Variants in MTUS2 observed in about 807,000 individuals in gnomAD.
MTUS2 encodes the protein microtubule-associated tumor suppressor candidate 2.
Under a neutral mutation model 114.1 loss-of-function variants are expected in MTUS2, and 40 were observed. The observed-to-expected ratio is 0.35, with a 90% CI of 0.27 to 0.46. The LOEUF (loss-of-function observed/expected upper bound fraction) is 0.46, where lower values mean the gene tolerates loss of function less well. Ranked by LOEUF, MTUS2 falls within the 20% of genes least tolerant of loss-of-function variation. The pLI is 1.00. For synonymous variants in MTUS2, 688 were observed against 672.0 expected (o/e 1.02, Z -0.37); for missense variants, 1,679 against 1,705.4 (o/e 0.98, Z 0.27).
chr13:29,247,779 G>A (rs1386518342), intron 5 of MTUS2, among the ~76,000 whole-genome samples: 2 of 152,210 alleles, frequency 1.3e-5, no homozygotes, highest in East Asian at 3.8e-4. Context: ...TGTGAAAAGG[G>A]AACACTTGAA....
intron 5 of MTUS2, among the ~76,000 whole-genome samples, chr13:29,270,846 G>T (rs778772887): frequency 2.6e-5 from 4 of 152,190 alleles, no homozygotes; most frequent in Non-Finnish European, 4.4e-5. Context: ...CAGATGGCGG[G>T]CACATGAGCC....
At chr13:28,852,867 A>C (rs945323400) in intron 2 of MTUS2, among the ~76,000 whole-genome samples, 3 of 150,328 alleles carry the variant, frequency 2.0e-5, no homozygotes, top group African/African-American at 7.5e-5. Context: ...ATACATACAT[A>C]CATCCTGGGT....
intron 5 of MTUS2, among the ~76,000 whole-genome samples, chr13:29,218,005 A>T (rs1170252043): frequency 6.6e-6 from 1 of 152,118 alleles, no homozygotes; most frequent in Non-Finnish European, 1.5e-5. Flanking sequence ...CTGTAGTCCC[A>T]GCTACTGAGG....
intron 8 of MTUS2, among the ~76,000 whole-genome samples, chr13:29,375,628 TATATATATATACAC>T (rs1566163804): frequency 2.8e-4 from 2 of 7,226 alleles, no homozygotes; most frequent in African/African-American, 4.0e-4. Flanking sequence ...TATATATATA[TATATATATATACAC>T]ACACCATGAA....
At chr13:29,398,667 CCTAGAGGAATGGATT>C (rs1305739425) in intron 8 of MTUS2, among the ~76,000 whole-genome samples, 1 of 151,952 alleles carries the variant, frequency 6.6e-6, no homozygotes, top group Non-Finnish European at 1.5e-5. Flanking sequence ...AGGAAAAGCT[CCTAGAGGAATGGATT>C]CTCAAACCAG....
chr13:29,149,232 T>C (rs1338280623), intron 5 of MTUS2, among the ~76,000 whole-genome samples: 4 of 152,216 alleles, frequency 2.6e-5, no homozygotes, highest in Non-Finnish European at 5.9e-5. Flanking sequence ...TGGCATGAAA[T>C]GGTATCTCAT....
chr13:29,334,022 GT>G (rs1187481661), intron 7 of MTUS2, among the ~76,000 whole-genome samples: 3 of 151,300 alleles, frequency 2.0e-5, no homozygotes, highest in African/African-American at 4.9e-5. Context: ...CTGTTTTTTT[GT>G]TTTGTTTTGT....
At chr13:29,307,804 C>T (rs1899545886) in intron 6 of MTUS2, 1 of 901,174 alleles carries the variant, frequency 1.1e-6, no homozygotes, top group Non-Finnish European at 1.8e-6. Context: ...GACCACCAGC[C>T]CCAGTGAGAG....
At chr13:29,439,024 AT>A (rs1377438969) in intron 8 of MTUS2, among the ~76,000 whole-genome samples, 3 of 152,148 alleles carry the variant, frequency 2.0e-5, no homozygotes, top group Non-Finnish European at 4.4e-5. Flanking sequence ...AAGAAAGAAC[AT>A]TCTCAAGGCC....
In MTUS2 at chr13:29,111,670, T is replaced by G. The variant is rs185645239; in HGVS notation, c.2644+10700T>G. Among the ~76,000 whole-genome samples, 224 of 152,326 alleles carry G rather than the reference T, an allele frequency of 1.5e-3. 1 individual carries two copies. Among genetic ancestry groups the G allele is most frequent in the Middle Eastern group, 3.4e-3 (1 of 294 alleles). On this transcript the variant is annotated intron_variant, in intron 5 of 15. Coordinates refer to ENST00000612955, the MANE Select transcript of MTUS2 (RefSeq NM_001033602.4). ...ACTTTGCCAACAGTATGTGCTTTCT[T>G]GCATTGTTGTAACATGCATAGGCCA...
chr13:28,867,548 C>A (rs901548853), intron 2 of MTUS2, among the ~76,000 whole-genome samples: 1 of 152,098 alleles, frequency 6.6e-6, no homozygotes, highest in Non-Finnish European at 1.5e-5. Context: ...TAAAACATAT[C>A]CAAGGGAGGG....
chr13:29,458,695 A>G (rs2138778555), intron 9 of MTUS2, among the ~76,000 whole-genome samples: 1 of 152,278 alleles, frequency 6.6e-6, no homozygotes, highest in Non-Finnish European at 1.5e-5. Context: ...ACAACTCTCC[A>G]TAGTCAAAAG....
At chr13:29,240,057 A>G (rs1019049853) in intron 5 of MTUS2, 1 of 152,030 alleles carries the variant, frequency 6.6e-6, no homozygotes, top group Admixed American at 6.5e-5. Context: ...CCCTCTGTAG[A>G]CCTCCTAGGG....
At chr13:29,417,147 A>G (rs946443530) in intron 8 of MTUS2, among the ~76,000 whole-genome samples, 5 of 152,186 alleles carry the variant, frequency 3.3e-5, no homozygotes, top group African/African-American at 7.2e-5. Flanking sequence ...AAAGCTTACA[A>G]TCATGGTGGA....
At chr13:29,227,010 C>G (rs1448343748) in intron 5 of MTUS2, among the ~76,000 whole-genome samples, 4 of 152,130 alleles carry the variant, frequency 2.6e-5, no homozygotes, top group African/African-American at 4.8e-5. Context: ...GTAATCCTAG[C>G]ACTTTGGGAG....
chr13:29,429,045 C>A, intron 8 of MTUS2: 2 of 756,990 alleles, frequency 2.6e-6, no homozygotes, highest in Non-Finnish European at 2.2e-6. Flanking sequence ...TTCCAATGTG[C>A]TGAATTGTGA....
chr13:29,476,032 G>A (rs991588655), intron 9 of MTUS2, among the ~76,000 whole-genome samples: 1 of 152,114 alleles, frequency 6.6e-6, no homozygotes, highest in Non-Finnish European at 1.5e-5. Context: ...CAGGTGTACC[G>A]TTTTTTATCT....
At chr13:28,994,553 C>G (rs1425639999) in intron 2 of MTUS2, among the ~76,000 whole-genome samples, 2 of 152,212 alleles carry the variant, frequency 1.3e-5, no homozygotes, top group Non-Finnish European at 2.9e-5. Context: ...CACATCCTCT[C>G]CAGCACCTGT....
At chr13:29,138,669 A>G (rs1892087345) in intron 5 of MTUS2, among the ~76,000 whole-genome samples, 2 of 151,664 alleles carry the variant, frequency 1.3e-5, no homozygotes, top group African/African-American at 4.8e-5. Context: ...AACTCTGTAA[A>G]CATAATAAAA....
Sources: gnomAD v4.1 joint callset for allele counts (sites outside exome capture counted in the v4.1 genomes callset) on GRCh38, gnomAD v4.1.1 for gene constraint, MANE v1.5 for transcripts, NCBI Gene and HGNC (gene_info 2026-07-23, HGNC 2026-07-21) for gene names.